The following NUTM1 variants were observed in gnomAD, a reference collection of about 807,000 sequenced individuals.
NUTM1 encodes the protein NUT midline carcinoma family member 1, also known as NUT family member 1.
A neutral mutation model predicts 88.7 loss-of-function variants in NUTM1; 39 were observed. That is an observed-to-expected ratio of 0.44 (90% confidence interval 0.34 to 0.57). The LOEUF is 0.57. Ranked by LOEUF, NUTM1 falls within the 20% of genes least tolerant of loss-of-function variation. The pLI is 0.01. For synonymous variants in NUTM1, 494 were observed against 538.0 expected, an observed-to-expected ratio of 0.92 and a Z score of 1.13; for missense variants, 1,350 against 1,414.5, an observed-to-expected ratio of 0.95 and a Z score of 0.73.
In NUTM1 at chr15:34,348,416, C is replaced by A. The variant is rs778905810; in HGVS notation, c.548C>A (p.Pro183His). ...SKAVGVSQEG[P>H]PGLPPQPPPP... ...GCTGTTGGTGTCAGCCAGGAGGGTC[C>A]TCCAGGCCTTCCGCCTCAGCCTCCA... The change falls in exon 3 of 8, where the codon CCT becomes CAT. Residue 183 changes from proline (P) to histidine (H), a missense_variant. Physicochemically the swap from Pro to His is moderately conservative, Grantham distance 77. Around this residue, in one of 5 missense-constraint regions of NUTM1, gnomAD observed 399 missense variants for 397.9 expected, o/e 1.00. Coordinates refer to ENST00000537011, the MANE Select transcript of NUTM1 (RefSeq NM_001284292.2). The A allele has an allele frequency of 6.2e-7, 1 of 1,614,166 alleles. No homozygotes were observed. Among genetic ancestry groups the A allele is most frequent in the South Asian group, 1.1e-5 (1 of 91,082 alleles).
At position 34,355,456 on chromosome 15, in the gene NUTM1, T is replaced by G. The variant is rs1026935508; in HGVS notation, c.1480-32T>G. 2.0e-5 allele frequency: 32 copies of G among 1,613,062 alleles called. No individual in the cohort carries two copies. Among genetic ancestry groups the G allele is most frequent in the Non-Finnish European group, 2.6e-5 (31 of 1,179,430 alleles). Reference sequence around the variant, plus strand: ...CTCAGCCACCTCTTTCACAACCACGTATAGAACTGACTATTTGTTCATTTC... The same window carrying G: ...CTCAGCCACCTCTTTCACAACCACGGATAGAACTGACTATTTGTTCATTTC... On this transcript the variant is annotated intron_variant, in intron 7 of 7. Coordinates refer to ENST00000537011, the MANE Select transcript of NUTM1 (RefSeq NM_001284292.2). The surrounding 1 kb of genome is among the most constrained non-coding windows in gnomAD (Gnocchi z 4.3).
intron 2 of NUTM1, among the ~76,000 whole-genome samples, chr15:34,347,014 C>T (rs940869263): frequency 6.7e-6 from 1 of 150,302 alleles, no homozygotes; most frequent in Non-Finnish European, 1.5e-5. Flanking sequence ...TCATTCTCAA[C>T]GAGAAGTAAG....
chr15:34,343,574 G>C lies in NUTM1; in HGVS notation c.-123G>C. 1 of 1,533,118 alleles carries C rather than the reference G, an allele frequency of 6.5e-7. No homozygotes were observed. The highest frequency in any genetic ancestry group is 8.7e-7 in the Non-Finnish European group (1 of 1,145,006). 95.0% of individuals were successfully genotyped at this position (1,533,118 alleles called of 1,614,324 possible). On this transcript the variant is annotated 5_prime_UTR_variant, in exon 1 of 8. Transcript: ENST00000537011. ...GCGTTGGCGGTAAAGAATGCATGTT[G>C]AGTATCAATATTCCGTAAAGCGAAA...
At position 34,357,041 on chromosome 15, in the gene NUTM1, A is replaced by G. The variant is rs751396353; in HGVS notation, c.3033A>G (p.Ile1011Met). ...CTAGAAGGGGAACCAGGAATGCCAT[A>G]GTTCCGAGAGAAACTTCTGTTAGTA... The part of the protein sequence containing the change: ...TLPRRGTRNA[I>M]VPRETSVSKT... Residue 1011 changes from isoleucine (I) to methionine (M), a missense_variant, in exon 8 of 8, where the codon ATA (isoleucine) becomes ATG (methionine). This residue lies in a region of NUTM1 where 730 missense variants were observed against 728.8 expected (regional missense o/e 1.00). Transcript: ENST00000537011. The G allele has an allele frequency of 2.5e-6, 4 of 1,613,984 alleles. No individual in the cohort carries two copies. Among genetic ancestry groups the G allele is most frequent in the Admixed American group, 1.7e-5 (1 of 59,998 alleles).
chr15:34,355,652 C>T lies in NUTM1; in HGVS notation c.1644C>T (p.Ala548=), dbSNP rs750622387. 1.2e-5 allele frequency: 20 copies of T among 1,609,392 alleles called. No homozygotes were observed. The highest frequency in any genetic ancestry group is 5.1e-5 in the Admixed American group (3 of 59,062). The change falls in exon 8 of 8, where the codon GCC becomes GCT. Residue 548 remains alanine (A), a synonymous_variant. Coordinates refer to ENST00000537011, the MANE Select transcript of NUTM1 (RefSeq NM_001284292.2). This position sits in a 1 kb window ranked among gnomAD's most constrained non-coding sequence, Gnocchi z 4.3. ...PSPGLQGAGG[A]ACLGKVSSSG... ...CTGGGCTTCAGGGGGCTGGGGGCGC[C>T]GCTTGCCTTGGAAAGGTTTCTTCTT...
chr15:34,356,299 C>T lies in NUTM1; in HGVS notation c.2291C>T (p.Pro764Leu). The change falls in exon 8 of 8, where the codon CCT becomes CTT. Residue 764 changes from proline (P) to leucine (L), a missense_variant. Physicochemically the swap from Pro to Leu is moderately conservative, Grantham distance 98 (BLOSUM62 -3). This residue lies in a region of NUTM1 where 730 missense variants were observed against 728.8 expected (regional missense o/e 1.00). Transcript: ENST00000537011. ...SEMDAVGLEL[P>L]VQIEEVIESF... ...ATGGATGCTGTAGGCTTGGAGCTGC[C>T]TGTACAAATAGAGGAGGTCATAGAG... 1 of 1,613,558 alleles carries T rather than the reference C, an allele frequency of 6.2e-7. No individual in the cohort carries two copies. Among genetic ancestry groups the T allele is most frequent in the Non-Finnish European group, 8.5e-7 (1 of 1,179,794 alleles).
chr15:34,345,669 G>A (rs567036499), intron 1 of NUTM1, among the ~76,000 whole-genome samples: 15 of 152,294 alleles, frequency 9.8e-5, no homozygotes, highest in African/African-American at 2.6e-4. Context: ...TGAACCAAAC[G>A]GTAAAACTGT....
chr15:34,356,137 A>G lies in NUTM1; in HGVS notation c.2129A>G (p.Glu710Gly). 1 of 1,612,930 alleles carries G rather than the reference A, an allele frequency of 6.2e-7. No individual in the cohort carries two copies. Among genetic ancestry groups the G allele is most frequent in the Non-Finnish European group, 8.5e-7 (1 of 1,179,090 alleles). ...QGKEPLAVPW[E>G]GSSGAMWGDD... is the part of the protein sequence containing the mutation. ...AAGGAGCCTTTAGCAGTGCCCTGGG[A>G]AGGCTCTTCAGGAGCCATGTGGGGA... The change falls in exon 8 of 8, where the codon GAA becomes GGA. Residue 710 changes from glutamate to glycine, a missense_variant. Transcript: ENST00000537011.
chr15:34,353,967 C>T (rs1360706007), intron 5 of NUTM1, 95 bp downstream of exon 5: 1 of 1,388,352 alleles, frequency 7.2e-7, no homozygotes. Context: ...ATAGCCCAGG[C>T]TCTGCCACTT....
intron 3 of NUTM1, among the ~76,000 whole-genome samples, chr15:34,350,305 CT>C (rs1275801809): frequency 6.6e-6 from 1 of 152,164 alleles, no homozygotes; most frequent in African/African-American, 2.4e-5. Context: ...TAGCAAATGC[CT>C]TTAAAGAAAA....
In NUTM1 at chr15:34,355,996, G is replaced by T; in HGVS notation, c.1988G>T (p.Ser663Ile). ...QGGFQPESTPSLDAGLAELAP... is the reference protein window; with the variant it reads ...QGGFQPESTPILDAGLAELAP... Reference sequence around the variant, plus strand: ...GGCTTCCAGCCTGAGAGCACTCCCAGTTTGGATGCTGGACTTGCAGAGCTG... The same window carrying T: ...GGCTTCCAGCCTGAGAGCACTCCCATTTTGGATGCTGGACTTGCAGAGCTG... The change falls in exon 8 of 8, where the codon AGT becomes ATT. Residue 663 changes from serine (S) to isoleucine (I), a missense_variant. This residue lies in a region of NUTM1 where 730 missense variants were observed against 728.8 expected (regional missense o/e 1.00). Coordinates refer to ENST00000537011, the MANE Select transcript of NUTM1 (RefSeq NM_001284292.2). This position sits in a 1 kb window ranked among gnomAD's most constrained non-coding sequence, Gnocchi z 4.3. 6.2e-7 allele frequency: 1 copy of T among 1,614,188 alleles called. No individual in the cohort carries two copies. Among genetic ancestry groups the T allele is most frequent in the Non-Finnish European group, 8.5e-7 (1 of 1,180,032 alleles).
rs1449457233 is a variant in NUTM1 at position 34,356,184 on chromosome 15, G to A, written c.2176G>A (p.Ala726Thr). Residue 726 changes from alanine (A) to threonine (T), a missense_variant, in exon 8 of 8, where the codon GCT (alanine) becomes ACT (threonine). Around this residue, in one of 5 missense-constraint regions of NUTM1, gnomAD observed 730 missense variants for 728.8 expected, o/e 1.00. Transcript: ENST00000537011. ...MWGDDRGTPM[A>T]QSYDQNPSPR... ...GGGAGATGACAGAGGTACCCCCATG[G>A]CTCAGAGTTATGATCAGAATCCTTC... The A allele has an allele frequency of 6.2e-7, 1 of 1,610,018 alleles. No individual in the cohort carries two copies. Among genetic ancestry groups the A allele is most frequent in the Admixed American group, 1.7e-5 (1 of 59,886 alleles).
Position 34,348,161 on chromosome 15 carries a change from T to C in NUTM1, c.293T>C (p.Leu98Pro), listed in dbSNP as rs754504740. The C allele has an allele frequency of 1.9e-6, 3 of 1,614,196 alleles. No individual in the cohort carries two copies. In the South Asian group the frequency reaches 3.3e-5, roughly 18 times the overall value. The stretch of plus-strand genomic sequence containing the variant: ...ATGCTCTCTGCTTTCCCCAGCTCAC[T>C]GTTGGTGACAGGGGATGGGGGCCCT... ...PLMLSAFPSS[L>P]LVTGDGGPCL... The change falls in exon 3 of 8, where the codon CTG (leucine) becomes CCG (proline). Residue 98 changes from leucine (L) to proline (P), a missense_variant. By Grantham distance (98) the Leu-to-Pro change is moderately conservative (BLOSUM62 -3). This residue lies in a region of NUTM1 where 399 missense variants were observed against 397.9 expected (regional missense o/e 1.00). Coordinates refer to ENST00000537011, the MANE Select transcript of NUTM1 (RefSeq NM_001284292.2).
chr15:34,351,368 C>T (rs1056876785), intron 4 of NUTM1, among the ~76,000 whole-genome samples: 5 of 129,040 alleles, frequency 3.9e-5, no homozygotes, highest in Non-Finnish European at 8.1e-5. Flanking sequence ...GACAACATAG[C>T]AAGACCTCAT....
rs75605297 is a variant in NUTM1, at chr15:34,350,661, G to C, written c.810-43G>C. 2,236 of 1,596,574 alleles carry C rather than the reference G, an allele frequency of 1.4e-3. 23 individuals are homozygous for C. The African/African-American group carries it at 0.024, about 17-fold the overall frequency. On this transcript the variant is annotated intron_variant, in intron 3 of 7. Transcript: ENST00000537011. ...ATGTAGGTGTCAGGGCAGGTGGATG[G>C]GAGCACACTTTTAGAATGTGACTGA...
rs773563234 is a variant in NUTM1 at position 34,354,751 on chromosome 15, T to C, written c.1362+19T>C. 17 of 1,612,868 alleles carry C rather than the reference T, an allele frequency of 1.1e-5. No individual in the cohort carries two copies. Among genetic ancestry groups the C allele is most frequent in the Non-Finnish European group, 1.4e-5 (17 of 1,179,390 alleles). ...CTCCAAGGTGAGCTGGGCCTGCACA[T>C]CTTGTTTCTAGCAGATCCTTGGGGT... On this transcript the variant is annotated intron_variant, in intron 6 of 7. Transcript: ENST00000537011.
intron 2 of NUTM1, among the ~76,000 whole-genome samples, 167 bp from the exon 3 acceptor site, chr15:34,347,802 G>A (rs370102915): frequency 6.6e-6 from 1 of 151,998 alleles, no homozygotes; most frequent in African/African-American, 2.4e-5. Context: ...GCAGTGAGCC[G>A]AGATTGTGCC....
In NUTM1 at chr15:34,349,188, A is replaced by G. The variant is rs74479592; in HGVS notation, c.809+511A>G. Among the ~76,000 whole-genome samples the G allele has an allele frequency of 6.9e-3, 1,057 of 152,270 alleles. 14 individuals are homozygous for G. Among genetic ancestry groups the G allele is most frequent in the African/African-American group, 0.023 (973 of 41,548 alleles). On this transcript the variant is annotated intron_variant, in intron 3 of 7. Transcript: ENST00000537011. ...GCTCCCTCCACTCATTTTATTCAGG[A>G]GAATTCACTTTGAAATAGGGTGGTG...
Position 34,355,847 on chromosome 15 carries a change from G to A in NUTM1, c.1839G>A (p.Gly613=). 2 of 1,614,058 alleles carry A rather than the reference G, an allele frequency of 1.2e-6. No homozygotes were observed. The highest frequency in any genetic ancestry group is 1.7e-4 in the Middle Eastern group (1 of 6,060). Residue 613 remains glycine (G), a synonymous_variant, in exon 8 of 8, where the codon GGG becomes GGA. Transcript: ENST00000537011. This position sits in a 1 kb window ranked among gnomAD's most constrained non-coding sequence, Gnocchi z 4.3. ...GACCCTTGGGTGTGGAGAGGAGAGG[G>A]TCTGGGAAGGTTATAAACCAGGTAT... ...TPGPLGVERR[G]SGKVINQVSL... is the part of the protein sequence containing the mutation.
Sources: allele counts gnomAD v4.1 joint callset (sites outside exome capture counted in the v4.1 genomes callset), GRCh38; gene constraint gnomAD v4.1.1; regional missense constraint gnomAD v4.1.1; non-coding constraint Gnocchi (gnomAD v3.1); transcripts MANE v1.5; gene names NCBI Gene and HGNC (gene_info 2026-07-23, HGNC 2026-07-21).